Variants in MGAT4C observed in about 807,000 individuals in gnomAD.
The protein encoded by MGAT4C is MGAT4 family member C.
Under a neutral mutation model 40.1 loss-of-function variants are expected in MGAT4C, and 19 were observed. The observed-to-expected ratio is 0.47, with a 90% CI of 0.33 to 0.70. The LOEUF (loss-of-function observed/expected upper bound fraction) is 0.70, where lower values mean the gene tolerates loss of function less well. Ranked by LOEUF, MGAT4C falls within the 30% of genes least tolerant of loss-of-function variation. MGAT4C has a pLI of 0.02. For synonymous variants in MGAT4C, 181 were observed against 187.1 expected, an observed-to-expected ratio of 0.97 and a Z score of 0.27; for missense variants, 491 against 563.2, an observed-to-expected ratio of 0.87 and a Z score of 1.30.
At chr12:86,360,999 T>G (rs1163013085) in intron 3 of MGAT4C, among the ~76,000 whole-genome samples, 3 of 151,006 alleles carry the variant, frequency 2.0e-5, no homozygotes, top group Non-Finnish European at 4.4e-5. Context: ...AAAATTCATA[T>G]GGAACCAAAA....
chr12:86,032,540 T>G (rs1055361469), intron 2 of MGAT4C, among the ~76,000 whole-genome samples: 1 of 149,844 alleles, frequency 6.7e-6, no homozygotes, highest in Non-Finnish European at 1.5e-5. Context: ...TTTCATATGT[T>G]TGTTGGCCAT....
chr12:85,997,980 G>A lies in MGAT4C; in HGVS notation c.-6-8428C>T, dbSNP rs1205775298. Among the ~76,000 whole-genome samples, 4 of 152,208 alleles carry A rather than the reference G, an allele frequency of 2.6e-5. No homozygotes were observed. The East Asian group carries it at 7.7e-4, about 29-fold the overall frequency. On this transcript the variant is annotated intron_variant, in intron 2 of 4. Coordinates refer to ENST00000611864, the MANE Select transcript of MGAT4C (RefSeq NM_001351288.2). ...TCCCTTCTGCACTGCCCTAGCAGAG[G>A]TTCTCTATGAGGGCCCTGCCCCTGC... is the stretch of plus-strand genomic sequence containing the variant.
At chr12:86,803,029 A>G (rs1396127413) in intron 1 of MGAT4C, among the ~76,000 whole-genome samples, 1 of 133,852 alleles carries the variant, frequency 7.5e-6, no homozygotes, top group African/African-American at 2.8e-5. Flanking sequence ...ACAAGGCTAC[A>G]GTAACCAAAA....
intron 2 of MGAT4C, among the ~76,000 whole-genome samples, chr12:86,513,460 G>A (rs556066747): frequency 6.6e-6 from 1 of 152,230 alleles, no homozygotes; most frequent in Admixed American, 6.5e-5. Context: ...CTTCTTGCAC[G>A]CTAATAAGTT....
rs140839397 is a variant in MGAT4C at position 86,797,698 on chromosome 12, C to T, written c.-262+40968G>A. ...TTATTTGGGTAATTTAAACAGTTCT[C>T]CTGATTTCAGCTAATGAAAATCAAT... is the stretch of plus-strand genomic sequence containing the variant. On this transcript the variant is annotated intron_variant, in intron 1 of 7. Coordinates refer to the MGAT4C transcript ENST00000548651. Among the ~76,000 whole-genome samples the T allele has an allele frequency of 3.5e-3, 529 of 151,956 alleles. 2 individuals are homozygous for T. The highest frequency in any genetic ancestry group is 0.012 in the African/African-American group (509 of 41,516).
chr12:86,624,527 G>A (rs1413512315), intron 2 of MGAT4C, among the ~76,000 whole-genome samples: 1 of 152,166 alleles, frequency 6.6e-6, no homozygotes, highest in Non-Finnish European at 1.5e-5. Flanking sequence ...TAATGAAGTG[G>A]AAACGTCAAT....
At chr12:86,221,890 A>G (rs1161246596) in intron 1 of MGAT4C, among the ~76,000 whole-genome samples, 1 of 152,178 alleles carries the variant, frequency 6.6e-6, no homozygotes, top group Non-Finnish European at 1.5e-5. Context: ...AATTTGTCTA[A>G]GGCTTTGTTT....
chr12:86,808,244 T>C (rs1331836172), intron 1 of MGAT4C, among the ~76,000 whole-genome samples: 5 of 152,040 alleles, frequency 3.3e-5, no homozygotes, highest in Non-Finnish European at 7.4e-5. Context: ...TTCCAAGCAA[T>C]TGAAAGGAGA....
chr12:86,540,831 G>T (rs889443773), intron 2 of MGAT4C, among the ~76,000 whole-genome samples: 1 of 152,170 alleles, frequency 6.6e-6, no homozygotes, highest in South Asian at 2.1e-4. Flanking sequence ...ATGATTTTGA[G>T]ATAATAAATG....
chr12:86,313,938 T>C (rs1434798439), intron 4 of MGAT4C, among the ~76,000 whole-genome samples: 2 of 152,210 alleles, frequency 1.3e-5, no homozygotes, highest in African/African-American at 4.8e-5. Context: ...TAAGTAGTAG[T>C]TGGAATTAAT....
chr12:86,623,212 T>A (rs1411040900), intron 2 of MGAT4C, among the ~76,000 whole-genome samples: 1 of 152,068 alleles, frequency 6.6e-6, no homozygotes, highest in Non-Finnish European at 1.5e-5. Flanking sequence ...AATAAAAACA[T>A]GAATATAAAC....
chr12:86,271,986 C>A (rs1952963037), intron 4 of MGAT4C, among the ~76,000 whole-genome samples: 1 of 151,970 alleles, frequency 6.6e-6, no homozygotes, highest in South Asian at 2.1e-4. Flanking sequence ...ACTACAGAAA[C>A]TGGGAAAGGT....
chr12:86,220,259 C>T (rs1009613521), intron 1 of MGAT4C, among the ~76,000 whole-genome samples: 6 of 152,184 alleles, frequency 3.9e-5, no homozygotes, highest in African/African-American at 1.4e-4. Flanking sequence ...CAGGAATTAT[C>T]TCCTCCACCA....
chr12:86,570,364 G>C (rs916963117), intron 2 of MGAT4C, among the ~76,000 whole-genome samples: 1 of 151,914 alleles, frequency 6.6e-6, no homozygotes, highest in African/African-American at 2.4e-5. Flanking sequence ...CATTCAGAAA[G>C]GTATGAGAGT....
chr12:86,216,982 T>A (rs1349913792), intron 1 of MGAT4C, among the ~76,000 whole-genome samples: 3 of 152,192 alleles, frequency 2.0e-5, no homozygotes, highest in African/African-American at 7.2e-5. Context: ...TATAAGTAAG[T>A]TAAATAACTA....
intron 2 of MGAT4C, among the ~76,000 whole-genome samples, chr12:86,515,935 G>A (rs1194477590): frequency 6.6e-6 from 1 of 151,664 alleles, no homozygotes; most frequent in Non-Finnish European, 1.5e-5. Context: ...TAGTAGAGAC[G>A]GGGTTTCACC....
At chr12:86,705,592 A>G (rs1950443067) in intron 2 of MGAT4C, among the ~76,000 whole-genome samples, 1 of 152,156 alleles carries the variant, frequency 6.6e-6, no homozygotes, top group Admixed American at 6.6e-5. Flanking sequence ...GTATAAGCAA[A>G]TGTGCCTAAA....
chr12:86,337,919 T>C (rs1230302579), intron 3 of MGAT4C, among the ~76,000 whole-genome samples: 2 of 152,144 alleles, frequency 1.3e-5, no homozygotes, highest in African/African-American at 4.8e-5. Context: ...AATTGTTTAA[T>C]CAAGCCAATC....
Position 86,048,369 on chromosome 12 carries a change from C to T in MGAT4C, c.-7+1305G>A, listed in dbSNP as rs956458818. 2.6e-5 allele frequency among the ~76,000 whole-genome samples: 4 copies of T among 152,010 alleles called. No individual in the cohort carries two copies. In the East Asian group the frequency reaches 5.8e-4, roughly 22 times the overall value. ...AAAAACTACTAAATCGGGTACTATG[C>T]TTGCTACCTGAGTGAATGTGATCAT... On this transcript the variant is annotated intron_variant, in intron 2 of 4. Transcript: ENST00000611864.
Sources: allele counts gnomAD v4.1 joint callset (sites outside exome capture counted in the v4.1 genomes callset), GRCh38; gene constraint gnomAD v4.1.1; transcripts MANE v1.5; gene names NCBI Gene and HGNC (gene_info 2026-07-23, HGNC 2026-07-21).